The following ADCY8 variants were observed in gnomAD, a reference collection of about 807,000 sequenced individuals.
The protein encoded by ADCY8 is adenylate cyclase 8, also known as adenylate cyclase type 8.
A neutral mutation model predicts 119.7 loss-of-function variants in ADCY8; 51 were observed. The observed-to-expected ratio is 0.43, with a 90% CI of 0.34 to 0.54. ADCY8 has a LOEUF of 0.54. ADCY8 is among the 20% of genes least tolerant of loss of function. The pLI is 0.03. For synonymous variants in ADCY8, 665 were observed against 651.0 expected, an observed-to-expected ratio of 1.02 and a Z score of -0.33; for missense variants, 1,383 against 1,598.8, an observed-to-expected ratio of 0.87 and a Z score of 2.30.
chr8:130,968,514 A>G (rs536519310), intron 2 of ADCY8, among the ~76,000 whole-genome samples: 38 of 152,278 alleles, frequency 2.5e-4, no homozygotes, highest in South Asian at 1.2e-3. Flanking sequence ...GCAGTTTTAA[A>G]CAATGGCAGT....
intron 8 of ADCY8, among the ~76,000 whole-genome samples, chr8:130,881,345 G>A (rs905129237): frequency 2.0e-5 from 3 of 152,158 alleles, no homozygotes; most frequent in African/African-American, 7.2e-5. Flanking sequence ...CGTGACCAGG[G>A]AATGTGTGAA....
chr8:130,925,416 T>C (rs529926586), intron 5 of ADCY8, among the ~76,000 whole-genome samples: 54 of 152,310 alleles, frequency 3.5e-4, no homozygotes, highest in African/African-American at 1.3e-3. Flanking sequence ...TATTTGAATT[T>C]TCCTATTTGA....
At chr8:130,965,715 A>G (rs1017076808) in intron 2 of ADCY8, among the ~76,000 whole-genome samples, 4 of 152,340 alleles carry the variant, frequency 2.6e-5, no homozygotes, top group Admixed American at 2.0e-4. Flanking sequence ...AATTTACAGA[A>G]GTTTTTTTAA....
chr8:130,925,098 G>C (rs985701938), intron 5 of ADCY8, among the ~76,000 whole-genome samples: 3 of 152,004 alleles, frequency 2.0e-5, no homozygotes, highest in Non-Finnish European at 4.4e-5. Context: ...CCAGCTACTG[G>C]GGAGGCTGAG....
At chr8:130,799,564 A>G (rs746485714) in intron 15 of ADCY8, among the ~76,000 whole-genome samples, 1 of 152,172 alleles carries the variant, frequency 6.6e-6, no homozygotes, top group Non-Finnish European at 1.5e-5. Context: ...GCTGCTGACA[A>G]TGCATTACTG....
At chr8:130,885,492 A>G (rs927244545) in intron 7 of ADCY8, among the ~76,000 whole-genome samples, 3 of 152,078 alleles carry the variant, frequency 2.0e-5, no homozygotes, top group Non-Finnish European at 2.9e-5. Context: ...GTCACTGGAT[A>G]TGGATACATG....
At chr8:130,849,857 T>C (rs561132437) in intron 9 of ADCY8, 54 bp from the exon 10 acceptor site, 2 of 1,490,186 alleles carry the variant, frequency 1.3e-6, no homozygotes, top group East Asian at 2.4e-5. Context: ...TGAGCAACAC[T>C]GAAATTCTAT....
At position 130,814,342 on chromosome 8, in the gene ADCY8, A is replaced by G. The variant is rs1035762209; in HGVS notation, c.2755-115T>C. The G allele has an allele frequency of 4.2e-5, 47 of 1,116,534 alleles. 1 individual carries two copies. The highest frequency in any genetic ancestry group is 5.4e-5 in the Non-Finnish European group (43 of 790,420). 69.2% of individuals were successfully genotyped at this position (1,116,534 alleles called of 1,614,324 possible). On this transcript the variant is annotated intron_variant, in intron 13 of 17. Coordinates refer to ENST00000286355, the MANE Select transcript of ADCY8 (RefSeq NM_001115.3). ...CTCTGGAACTCTTCACAAATGAAAC[A>G]GAGCCTGATCTGAATATTTTGGGAG... is the stretch of plus-strand genomic sequence containing the variant.
At chr8:130,890,969 G>T (rs1239744025) in intron 7 of ADCY8, among the ~76,000 whole-genome samples, 1 of 152,166 alleles carries the variant, frequency 6.6e-6, no homozygotes, top group Non-Finnish European at 1.5e-5. Context: ...TAGCGAGAAC[G>T]CCAGGCTCAG....
chr8:130,806,174 C>T (rs1815951066), intron 14 of ADCY8, among the ~76,000 whole-genome samples: 1 of 152,178 alleles, frequency 6.6e-6, no homozygotes, highest in Non-Finnish European at 1.5e-5. Context: ...GACCACAGGT[C>T]CCTCAGCAGT....
chr8:130,876,959 C>T (rs1050122744), intron 8 of ADCY8, among the ~76,000 whole-genome samples: 14 of 152,128 alleles, frequency 9.2e-5, no homozygotes, highest in African/African-American at 3.1e-4. Flanking sequence ...CTTGAATCCC[C>T]ACTCTGCTGC....
intron 2 of ADCY8, among the ~76,000 whole-genome samples, chr8:130,973,357 A>G (rs1478039984): frequency 6.6e-6 from 1 of 152,266 alleles, no homozygotes; most frequent in African/African-American, 2.4e-5. Flanking sequence ...AGAATCTTCA[A>G]AATTGTTTGT....
chr8:130,783,818 T>C lies in ADCY8; in HGVS notation c.3154-13A>G. On this transcript the variant is annotated splice_polypyrimidine_tract_variant and intron_variant, in intron 16 of 17. Coordinates refer to ENST00000286355, the MANE Select transcript of ADCY8 (RefSeq NM_001115.3). ...TGTCTTCACATTGCTGAAGCAAACA[T>C]GAGGAGAAGAAATCATTTAATGCGG... 6.3e-7 allele frequency: 1 copy of C among 1,596,668 alleles called. No individual in the cohort carries two copies. Among genetic ancestry groups the C allele is most frequent in the Non-Finnish European group, 8.6e-7 (1 of 1,166,858 alleles).
rs750939077 is a variant in ADCY8, at chr8:130,860,895, G to A, written c.2210+6951C>T. 3.3e-5 allele frequency among the ~76,000 whole-genome samples: 5 copies of A among 152,168 alleles called. No homozygotes were observed. In the Middle Eastern group the frequency reaches 0.01, roughly 311 times the overall value. On this transcript the variant is annotated intron_variant, in intron 9 of 17. Coordinates refer to ENST00000286355, the MANE Select transcript of ADCY8 (RefSeq NM_001115.3). ...TATGAGTGACAACATGCGGTGTTTGGTTTTCTGTTCCCGTATTAGTTTGCT... is the reference window on the plus strand; with the variant it reads ...TATGAGTGACAACATGCGGTGTTTGATTTTCTGTTCCCGTATTAGTTTGCT...
intron 1 of ADCY8, among the ~76,000 whole-genome samples, chr8:131,028,951 G>A (rs1823907623): frequency 6.6e-6 from 1 of 152,198 alleles, no homozygotes. Flanking sequence ...GTCAAGCCCA[G>A]GAAGTGATTT....
intron 14 of ADCY8, among the ~76,000 whole-genome samples, chr8:130,806,151 A>C (rs1815950281): frequency 6.6e-6 from 1 of 152,128 alleles, no homozygotes; most frequent in African/African-American, 2.4e-5. Flanking sequence ...TGGGCAAGTG[A>C]GGTGACTCCT....
chr8:130,842,951 C>T (rs983811484), intron 11 of ADCY8, among the ~76,000 whole-genome samples: 4 of 150,990 alleles, frequency 2.6e-5, no homozygotes, highest in African/African-American at 9.7e-5. Flanking sequence ...TTTTTTCCCT[C>T]ATTATCAGTC....
intron 14 of ADCY8, among the ~76,000 whole-genome samples, chr8:130,812,006 C>T (rs1291642889): frequency 6.6e-6 from 1 of 152,210 alleles, no homozygotes; most frequent in Non-Finnish European, 1.5e-5. Context: ...TTTGTCATTT[C>T]TCACCTCCCA....
Position 130,895,140 on chromosome 8 carries a change from TCCTA to T in ADCY8, c.1911+8628_1911+8631del, listed in dbSNP as rs1240650310. On this transcript the variant is annotated intron_variant, in intron 7 of 17. Transcript: ENST00000286355. ...GAATCCAGATTTTTGCTTTTACTCT[TCCTA>T]CCTATCTTCTCATATTTAAAATATC... is the stretch of plus-strand genomic sequence containing the variant. Among the ~76,000 whole-genome samples the T allele has an allele frequency of 3.3e-5, 5 of 152,282 alleles. No homozygotes were observed. In the East Asian group the frequency reaches 5.8e-4, roughly 18 times the overall value.
Sources: allele counts gnomAD v4.1 joint callset (sites outside exome capture counted in the v4.1 genomes callset), GRCh38; gene constraint gnomAD v4.1.1; transcripts MANE v1.5; gene names NCBI Gene and HGNC (gene_info 2026-07-23, HGNC 2026-07-21).